Variants in BMPR1B observed in about 807,000 individuals in gnomAD.
BMPR1B encodes the protein bone morphogenetic protein receptor type-1B.
In BMPR1B, 12 loss-of-function variants were observed where a neutral mutation model predicts 59.1. The observed-to-expected ratio is 0.20, with a 90% CI of 0.13 to 0.33. The LOEUF (loss-of-function observed/expected upper bound fraction) is 0.33. Among genes scored for constraint, BMPR1B ranks in the 10% least tolerant of loss-of-function variants. The pLI is 1.00. For synonymous variants in BMPR1B, 237 were observed against 207.3 expected (o/e 1.14, Z -1.23); for missense variants, 550 against 610.9 (o/e 0.90, Z 1.05).
intron 3 of BMPR1B, among the ~76,000 whole-genome samples, chr4:95,046,136 C>T (rs904560186): frequency 2.0e-5 from 3 of 152,068 alleles, no homozygotes; most frequent in Non-Finnish European, 4.4e-5. Flanking sequence ...AACCCCTGGG[C>T]TCAATCAAGC....
intron 8 of BMPR1B, 40 bp from the exon 9 acceptor site, chr4:95,129,822 C>A (rs187515937): frequency 1.1e-5 from 17 of 1,592,366 alleles, no homozygotes; most frequent in African/African-American, 8.0e-5. Flanking sequence ...AAATCTGTAG[C>A]GCTGTGAATA....
chr4:94,796,392 C>T (rs927925011), intron 1 of BMPR1B, among the ~76,000 whole-genome samples: 1 of 152,162 alleles, frequency 6.6e-6, no homozygotes, highest in African/African-American at 2.4e-5. Context: ...TGTAAAATCA[C>T]AGAGTTGTGA....
intron 3 of BMPR1B, among the ~76,000 whole-genome samples, chr4:95,018,058 T>G (rs963466574): frequency 6.6e-6 from 1 of 152,154 alleles, no homozygotes; most frequent in Non-Finnish European, 1.5e-5. Flanking sequence ...TTTAATAAAG[T>G]CAGTTCACAT....
intron 3 of BMPR1B, among the ~76,000 whole-genome samples, chr4:95,059,226 G>A (rs1727158261): frequency 1.3e-5 from 2 of 152,168 alleles, no homozygotes; most frequent in South Asian, 4.1e-4. Flanking sequence ...CATGTTAATA[G>A]AAGAAGGGTA....
At chr4:95,153,740 C>T (rs982151305) in intron 12 of BMPR1B, among the ~76,000 whole-genome samples, 3 of 152,130 alleles carry the variant, frequency 2.0e-5, no homozygotes, top group Non-Finnish European at 4.4e-5. Context: ...TTCCCACCTA[C>T]TCGGGAGATT....
rs374785938 is a variant in BMPR1B, at chr4:94,947,586, G to A, written c.-112-48454G>A. On this transcript the variant is annotated intron_variant, in intron 2 of 12. Transcript: ENST00000515059. ...GCTTGTATACCCGTGTGATTGGAGC[G>A]GAGCAGATGTTTAATACAAATGTGT... Among the ~76,000 whole-genome samples, 105 of 152,308 alleles carry A rather than the reference G, an allele frequency of 6.9e-4. 1 individual carries two copies. In the South Asian group the frequency reaches 0.017, roughly 24 times the overall value.
At chr4:94,947,053 A>G (rs889794390) in intron 2 of BMPR1B, among the ~76,000 whole-genome samples, 1 of 152,184 alleles carries the variant, frequency 6.6e-6, no homozygotes, top group Admixed American at 6.5e-5. Context: ...CCCCGTCTCA[A>G]AACATACAAA....
chr4:94,766,588 T>C (rs1474544364), intron 1 of BMPR1B, among the ~76,000 whole-genome samples: 1 of 152,024 alleles, frequency 6.6e-6, no homozygotes, highest in Non-Finnish European at 1.5e-5. Flanking sequence ...TTGTTATTTT[T>C]TTAATTGTAA....
At chr4:94,768,528 A>G (rs1009607525) in intron 1 of BMPR1B, among the ~76,000 whole-genome samples, 8 of 151,678 alleles carry the variant, frequency 5.3e-5, no homozygotes, top group Non-Finnish European at 1.2e-4. Flanking sequence ...TATCTTCCTC[A>G]CTTTTGCACT....
chr4:94,777,370 AAAAG>A (rs751972827), intron 1 of BMPR1B, among the ~76,000 whole-genome samples: 4 of 152,156 alleles, frequency 2.6e-5, no homozygotes, highest in Non-Finnish European at 5.9e-5. Flanking sequence ...TAAAAAAAGG[AAAAG>A]AAAGATAAAC....
chr4:94,892,750 CT>C (rs1450541557), intron 2 of BMPR1B, among the ~76,000 whole-genome samples: 4 of 151,978 alleles, frequency 2.6e-5, no homozygotes, highest in Non-Finnish European at 5.9e-5. Context: ...TAACTATCAG[CT>C]TTTGAGTAGG....
intron 3 of BMPR1B, among the ~76,000 whole-genome samples, chr4:95,070,975 T>A (rs1324101504): frequency 1.3e-5 from 2 of 152,150 alleles, no homozygotes; most frequent in Non-Finnish European, 2.9e-5. Flanking sequence ...TTTTTCTTCT[T>A]CCTTTAGTCA....
chr4:94,798,732 G>A (rs1305116853), intron 1 of BMPR1B, among the ~76,000 whole-genome samples: 1 of 152,092 alleles, frequency 6.6e-6, no homozygotes, highest in African/African-American at 2.4e-5. Flanking sequence ...GATAAACTGA[G>A]GTGTTGACAG....
At chr4:95,133,170 G>A (rs1421482836) in intron 10 of BMPR1B, among the ~76,000 whole-genome samples, 1 of 151,910 alleles carries the variant, frequency 6.6e-6, no homozygotes, top group African/African-American at 2.4e-5. Context: ...GGCCAGTGTG[G>A]GCCTTCTATA....
intron 1 of BMPR1B, among the ~76,000 whole-genome samples, chr4:94,763,448 T>C (rs1721854292): frequency 1.3e-5 from 2 of 152,224 alleles, no homozygotes; most frequent in Non-Finnish European, 2.9e-5. Flanking sequence ...TTCAGCCAAT[T>C]TTATTTTTTC....
chr4:94,877,911 A>G (rs1428138020), intron 2 of BMPR1B, among the ~76,000 whole-genome samples: 4 of 152,196 alleles, frequency 2.6e-5, no homozygotes, highest in South Asian at 2.1e-4. Context: ...CACCACTTCA[A>G]TATCAGCACT....
chr4:94,917,395 A>G (rs1445475038), intron 2 of BMPR1B, among the ~76,000 whole-genome samples: 1 of 152,224 alleles, frequency 6.6e-6, no homozygotes, highest in Non-Finnish European at 1.5e-5. Context: ...CGAACCCTGC[A>G]AAGCCACAGG....
intron 1 of BMPR1B, among the ~76,000 whole-genome samples, chr4:94,823,635 C>T (rs1410380577): frequency 6.6e-6 from 1 of 152,128 alleles, no homozygotes; most frequent in Admixed American, 6.5e-5. Context: ...AAGATGTAAC[C>T]ATACATATAT....
At chr4:94,820,513 T>C (rs573547625) in intron 1 of BMPR1B, among the ~76,000 whole-genome samples, 2 of 152,302 alleles carry the variant, frequency 1.3e-5, no homozygotes, top group South Asian at 4.1e-4. Flanking sequence ...CATGGATAAG[T>C]ATTTTAAACT....
Sources: allele counts gnomAD v4.1 joint callset (sites outside exome capture counted in the v4.1 genomes callset), GRCh38; gene constraint gnomAD v4.1.1; transcripts MANE v1.5; gene names NCBI Gene and HGNC (gene_info 2026-07-23, HGNC 2026-07-21).